The following SLC6A17 variants were observed in gnomAD, a reference collection of about 807,000 sequenced individuals.
The protein encoded by SLC6A17 is solute carrier family 6 member 17.
SLC6A17 carries 21 observed loss-of-function variants against 64.5 expected under a neutral mutation model. The observed-to-expected ratio is 0.33, with a 90% CI of 0.23 to 0.47. The LOEUF (loss-of-function observed/expected upper bound fraction) is 0.47. Ranked by LOEUF, SLC6A17 falls within the 20% of genes least tolerant of loss-of-function variation. The probability of loss-of-function intolerance (pLI) is 1.00; values close to 1 mark genes in which losing one functional copy is unlikely to be tolerated. For missense variants in SLC6A17, 682 were observed against 963.2 expected (o/e 0.71, Z 3.86); for synonymous variants, 372 against 399.5 (o/e 0.93, Z 0.82).
At chr1:110,178,140 A>C (rs1207736318) in intron 6 of SLC6A17, 1 of 152,216 alleles carries the variant, frequency 6.6e-6, no homozygotes, top group Non-Finnish European at 1.5e-5. Flanking sequence ...AACAGATTAC[A>C]ACTGTATTTC....
chr1:110,195,953 G>A (rs1248817843), intron 10 of SLC6A17, among the ~76,000 whole-genome samples: 1 of 152,172 alleles, frequency 6.6e-6, no homozygotes, highest in Non-Finnish European at 1.5e-5. Flanking sequence ...TGGGTGTCCT[G>A]GGTGCAGGTC....
intron 1 of SLC6A17, among the ~76,000 whole-genome samples, chr1:110,155,510 T>C (rs2361040): frequency 0.45 from 68,841 of 151,778 alleles, 16,444 homozygotes; most frequent in Non-Finnish European, 0.54. Flanking sequence ...AACTAGGGAG[T>C]TGAGGCACAA....
intron 2 of SLC6A17, 30 bp from the exon 3 acceptor site, chr1:110,172,030 C>G (rs1245728112): frequency 6.2e-7 from 1 of 1,610,910 alleles, no homozygotes; most frequent in Admixed American, 1.7e-5. Context: ...GCTCCAGAGC[C>G]CCTCTGCCAT....
intron 6 of SLC6A17, among the ~76,000 whole-genome samples, chr1:110,180,890 T>C (rs1363530780): frequency 1.3e-5 from 2 of 152,160 alleles, no homozygotes; most frequent in Non-Finnish European, 2.9e-5. Context: ...AGGCTCTCCA[T>C]AGATTGTGCT....
rs542621592 is a variant in SLC6A17, at chr1:110,194,126, C to T, written c.1300-453C>T. On this transcript the variant is annotated intron_variant, in intron 8 of 11. Transcript: ENST00000331565. ...TGTCCGTGGGGTGAGACCCAGGTGT[C>T]GGTGTTTCTAAAGGCTCCGGTGTGC... 5.3e-5 allele frequency among the ~76,000 whole-genome samples: 8 copies of T among 152,296 alleles called. No individual in the cohort carries two copies. In the South Asian group the frequency reaches 1.7e-3, roughly 32 times the overall value.
In SLC6A17 at chr1:110,199,934, G is replaced by T. The variant is rs1016316864; in HGVS notation, c.*1490G>T. Reference sequence around the variant, plus strand: ...GGATGGATGGATGGATGGGTTGGGGGGTGGGGGTGGATGGATAGATGGATG... The same window carrying T: ...GGATGGATGGATGGATGGGTTGGGGTGTGGGGGTGGATGGATAGATGGATG... On this transcript the variant is annotated 3_prime_UTR_variant, in exon 12 of 12. Coordinates refer to ENST00000331565, the MANE Select transcript of SLC6A17 (RefSeq NM_001010898.4). 5.1e-6 allele frequency: 2 copies of T among 394,024 alleles called. No homozygotes were observed. Among genetic ancestry groups the T allele is most frequent in the Non-Finnish European group, 8.9e-6 (2 of 223,778 alleles). The allele number at this position is 394,024 out of a possible 1,614,324, so 24.4% of individuals were successfully genotyped here. A position where few individuals can be genotyped will look rare whatever the true frequency, so the allele number is the denominator to read the frequency against.
rs1288229545 is a variant in SLC6A17, at chr1:110,189,135, C to T, written c.865-2837C>T. On this transcript the variant is annotated intron_variant, in intron 6 of 11. Transcript: ENST00000331565. Reference sequence around the variant, plus strand: ...GCCACAGCCTCAGCTCCTGCCAGCACACCTGCTACTCAGAAAGTCTATCTC... The same window carrying T: ...GCCACAGCCTCAGCTCCTGCCAGCATACCTGCTACTCAGAAAGTCTATCTC... Among the ~76,000 whole-genome samples, 4 of 152,252 alleles carry T rather than the reference C, an allele frequency of 2.6e-5. 1 individual carries two copies. Among genetic ancestry groups the T allele is most frequent in the Admixed American group, 2.0e-4 (3 of 15,290 alleles).
intron 6 of SLC6A17, among the ~76,000 whole-genome samples, chr1:110,184,366 A>G (rs1195499991): frequency 6.6e-6 from 1 of 152,148 alleles, no homozygotes; most frequent in Non-Finnish European, 1.5e-5. Context: ...CGGCCTCCCA[A>G]AGTGCTGGGA....
intron 6 of SLC6A17, among the ~76,000 whole-genome samples, chr1:110,187,555 T>A (rs1380590899): frequency 6.6e-6 from 1 of 152,248 alleles, no homozygotes; most frequent in Non-Finnish European, 1.5e-5. Flanking sequence ...GAGGCAGCTT[T>A]AGGCTAAACT....
rs1416371812 is a variant in SLC6A17 at position 110,191,974 on chromosome 1, G to A, written c.867G>A (p.Leu289=). The change falls in exon 7 of 12, where the codon CTG becomes CTA. Residue 289 remains leucine, a splice_region_variant and synonymous_variant. Coordinates refer to ENST00000331565, the MANE Select transcript of SLC6A17 (RefSeq NM_001010898.4). ...DGILHMFTPK[L]DKMLDPQVWR... ...CCTGCCTTGGTCTTCTGCCATAGCT[G>A]GACAAGATGCTGGACCCCCAGGTGT... is the stretch of plus-strand genomic sequence containing the variant. 3.1e-6 allele frequency: 5 copies of A among 1,613,520 alleles called. No homozygotes were observed. The highest frequency in any genetic ancestry group is 4.2e-6 in the Non-Finnish European group (5 of 1,179,578).
At chr1:110,183,397 T>TA (rs1656583687) in intron 6 of SLC6A17, among the ~76,000 whole-genome samples, 1 of 152,120 alleles carries the variant, frequency 6.6e-6, no homozygotes, top group Non-Finnish European at 1.5e-5. Context: ...AGTCCAATGA[T>TA]ATGAAATGTC....
At position 110,201,499 on chromosome 1, in the gene SLC6A17, C is replaced by T. The variant is rs1283590679; in HGVS notation, c.*3055C>T. ...CCCTACCTCTGCCTGCCCTCCAGCCCCATCACCAGCTTCTTGCTCAGGGAG... is the reference window on the plus strand; with the variant it reads ...CCCTACCTCTGCCTGCCCTCCAGCCTCATCACCAGCTTCTTGCTCAGGGAG... On this transcript the variant is annotated 3_prime_UTR_variant, in exon 12 of 12. Coordinates refer to ENST00000331565, the MANE Select transcript of SLC6A17 (RefSeq NM_001010898.4). 6.6e-6 allele frequency: 1 copy of T among 152,298 alleles called. No homozygotes were observed. The highest frequency in any genetic ancestry group is 1.5e-5 in the Non-Finnish European group (1 of 68,108). The allele number at this position is 152,298 out of a possible 1,614,324, so 9.4% of individuals were successfully genotyped here.
chr1:110,177,047 C>A (rs1656395629), intron 6 of SLC6A17, among the ~76,000 whole-genome samples: 2 of 152,194 alleles, frequency 1.3e-5, no homozygotes, highest in African/African-American at 2.4e-5. Context: ...TCAAAGGGAA[C>A]TGCATGAGCA....
intron 6 of SLC6A17, among the ~76,000 whole-genome samples, chr1:110,184,142 G>A (rs375640260): frequency 5.3e-5 from 8 of 151,994 alleles, no homozygotes; most frequent in Admixed American, 5.2e-4. Context: ...ACGGAGTCTC[G>A]CTCTGTTGCC....
At position 110,197,523 on chromosome 1, in the gene SLC6A17, T is replaced by C; in HGVS notation, c.1739T>C (p.Met580Thr). ...YMWKFVSPLC[M>T]AVLTTASIIQ... ...TGGAAGTTCGTGTCTCCACTATGCA[T>C]GGCTGTGCTCACCACAGCCAGCATC... The change falls in exon 11 of 12, where the codon ATG becomes ACG. Residue 580 changes from methionine (M) to threonine (T), a missense_variant. Physicochemically the swap from Met to Thr is moderately conservative, Grantham distance 81. Coordinates refer to ENST00000331565, the MANE Select transcript of SLC6A17 (RefSeq NM_001010898.4). 6.2e-7 allele frequency: 1 copy of C among 1,613,824 alleles called. No homozygotes were observed. Among genetic ancestry groups the C allele is most frequent in the Non-Finnish European group, 8.5e-7 (1 of 1,179,964 alleles).
At chr1:110,189,146 CAGAA>C (rs1283334096) in intron 6 of SLC6A17, among the ~76,000 whole-genome samples, 1 of 152,222 alleles carries the variant, frequency 6.6e-6, no homozygotes, top group Non-Finnish European at 1.5e-5. Flanking sequence ...ACCTGCTACT[CAGAA>C]AGTCTATCTC....
At position 110,197,574 on chromosome 1, in the gene SLC6A17, G is replaced by A. The variant is rs1205411588; in HGVS notation, c.1790G>A (p.Gly597Asp). 6.2e-7 allele frequency: 1 copy of A among 1,607,662 alleles called. No homozygotes were observed. Among genetic ancestry groups the A allele is most frequent in the Non-Finnish European group, 8.5e-7 (1 of 1,177,270 alleles). ...ATCCAGCTGGGGGTCACGCCCCCGGGCTACAGCGCCTGGATCAAGGAGGAG... is the reference window on the plus strand; with the variant it reads ...ATCCAGCTGGGGGTCACGCCCCCGGACTACAGCGCCTGGATCAAGGAGGAG... ...SIIQLGVTPP[G>D]YSAWIKEEAA... The change falls in exon 11 of 12, where the codon GGC (glycine) becomes GAC (aspartate). Residue 597 changes from glycine to aspartate, a missense_variant. Gly to Asp is a moderately conservative substitution (Grantham distance 94). Around this residue, in one of 3 missense-constraint regions of SLC6A17, gnomAD observed 264 missense variants for 339.5 expected, o/e 0.78. Coordinates refer to ENST00000331565, the MANE Select transcript of SLC6A17 (RefSeq NM_001010898.4).
At chr1:110,158,402 G>T (rs1204606841) in intron 1 of SLC6A17, among the ~76,000 whole-genome samples, 2 of 152,162 alleles carry the variant, frequency 1.3e-5, no homozygotes, top group African/African-American at 4.8e-5. Flanking sequence ...GGGCTTGCAC[G>T]TGCATGTCCC....
chr1:110,192,543 G>A lies in SLC6A17; in HGVS notation c.1144G>A (p.Val382Ile), dbSNP rs759258693. ...AATCCTAGGGTACCTTAACACCAAC[G>A]TCCTGAGCCGGGACCTCATCCCACC... ...EKILGYLNTN[V>I]LSRDLIPPHV... is the part of the protein sequence containing the mutation. Residue 382 changes from valine to isoleucine, a missense_variant, in exon 8 of 12, where the codon GTC becomes ATC. Around this residue, in one of 3 missense-constraint regions of SLC6A17, gnomAD observed 415 missense variants for 603.8 expected, o/e 0.69. Coordinates refer to ENST00000331565, the MANE Select transcript of SLC6A17 (RefSeq NM_001010898.4). The surrounding 1 kb of genome is among the most constrained non-coding windows in gnomAD (Gnocchi z 4.3). 15 of 1,613,926 alleles carry A rather than the reference G, an allele frequency of 9.3e-6. No homozygotes were observed. Among genetic ancestry groups the A allele is most frequent in the South Asian group, 3.3e-5 (3 of 91,070 alleles).
Sources: gnomAD v4.1 joint callset for allele counts (sites outside exome capture counted in the v4.1 genomes callset) on GRCh38, gnomAD v4.1.1 for gene constraint, gnomAD v4.1.1 regional missense constraint, Gnocchi (gnomAD v3.1) non-coding constraint, MANE v1.5 for transcripts, NCBI Gene and HGNC (gene_info 2026-07-23, HGNC 2026-07-21) for gene names.